DSTYK: variants seen among roughly 807,000 people sequenced by gnomAD.
DSTYK encodes the protein RIP-homologous kinase.
Under a neutral mutation model 98.7 loss-of-function variants are expected in DSTYK, and 34 were observed. The ratio of observed to expected loss-of-function variants is 0.34; its 90% confidence interval spans 0.26 to 0.46. DSTYK has a LOEUF of 0.46. DSTYK is among the 20% of genes least tolerant of loss of function. The probability of loss-of-function intolerance (pLI) is 1.00; values close to 1 mark genes in which losing one functional copy is unlikely to be tolerated. For missense variants in DSTYK, 962 were observed against 1,181.7 expected (o/e 0.81, Z 2.73); for synonymous variants, 462 against 457.3 (o/e 1.01, Z -0.13).
At chr1:205,155,902 A>T (rs1255914694) in intron 10 of DSTYK, among the ~76,000 whole-genome samples, 1 of 152,220 alleles carries the variant, frequency 6.6e-6, no homozygotes, top group Non-Finnish European at 1.5e-5. Flanking sequence ...TGCTGTATGC[A>T]GCCTTCGAAC....
At position 205,163,219 on chromosome 1, in the gene DSTYK, A is replaced by ATT. The variant is rs373494891; in HGVS notation, c.1558-215_1558-214dup. Among the ~76,000 whole-genome samples, 308 of 140,700 alleles carry ATT rather than the reference A, an allele frequency of 2.2e-3. 1 individual carries two copies. Among genetic ancestry groups the ATT allele is most frequent in the Non-Finnish European group, 4.0e-3 (254 of 64,252 alleles). The allele number at this position is 140,700 out of a possible 152,430, so 92.3% of individuals were successfully genotyped here. On this transcript the variant is annotated intron_variant, in intron 4 of 12. Coordinates refer to ENST00000367162, the MANE Select transcript of DSTYK (RefSeq NM_015375.3). Reference sequence around the variant, plus strand: ...TTTATATTCATCAACTTATTTTTTTATTTTTTTTTTTATTTTTTAGACAGA... The same window carrying ATT: ...TTTATATTCATCAACTTATTTTTTTATTTTTTTTTTTTTATTTTTTAGACAGA...
rs569281019 is a variant in DSTYK at position 205,142,661 on chromosome 1, G to C, written c.*4897C>G. The C allele has an allele frequency of 6.6e-6, 1 of 152,310 alleles. No individual in the cohort carries two copies. Among genetic ancestry groups the C allele is most frequent in the South Asian group, 2.1e-4 (1 of 4,826 alleles). 9.4% of individuals were successfully genotyped at this position (152,310 alleles called of 1,614,324 possible). On this transcript the variant is annotated 3_prime_UTR_variant, in exon 13 of 13. Transcript: ENST00000367162. ...TCTTCAAAATGCACACAATTAAGAC[G>C]GTCCTGCTGTAACAATATTATGGAA...
At chr1:205,203,081 A>G (rs1318319498) in intron 1 of DSTYK, among the ~76,000 whole-genome samples, 1 of 152,202 alleles carries the variant, frequency 6.6e-6, no homozygotes, top group African/African-American at 2.4e-5. Context: ...CTTCTGTAAA[A>G]ACTACTTGCA....
rs201612060 is a variant in DSTYK, at chr1:205,163,219, A to T, written c.1558-213T>A. Among the ~76,000 whole-genome samples the T allele has an allele frequency of 2.6e-4, 36 of 140,712 alleles. No homozygotes were observed. In the East Asian group the frequency reaches 9.7e-3, roughly 38 times the overall value. The allele number at this position is 140,712 out of a possible 152,430, so 92.3% of individuals were successfully genotyped here. ...TTTATATTCATCAACTTATTTTTTTATTTTTTTTTTTATTTTTTAGACAGA... is the reference window on the plus strand; with the variant it reads ...TTTATATTCATCAACTTATTTTTTTTTTTTTTTTTTTATTTTTTAGACAGA... On this transcript the variant is annotated intron_variant, in intron 4 of 12. Transcript: ENST00000367162.
intron 11 of DSTYK, among the ~76,000 whole-genome samples, chr1:205,149,638 C>G (rs1043163531): frequency 6.6e-6 from 1 of 152,188 alleles, no homozygotes; most frequent in African/African-American, 2.4e-5. Context: ...GACCAGCTAT[C>G]TAGTCTTACC....
Position 205,162,969 on chromosome 1 carries a change from T to C in DSTYK, c.1595A>G (p.His532Arg). The C allele has an allele frequency of 6.2e-7, 1 of 1,614,128 alleles. No homozygotes were observed. The highest frequency in any genetic ancestry group is 1.3e-5 in the African/African-American group (1 of 75,058). ...CATCCTTGTAACTGACGACCCTGAG[T>C]GAAACGTGACTTCAACATGATAGGC... is the stretch of plus-strand genomic sequence containing the variant. The part of the protein sequence containing the change: ...NAAYHVEVTF[H>R]SGSSVTRMLW... Residue 532 changes from histidine to arginine, a missense_variant, in exon 5 of 13, where the codon CAC (histidine) becomes CGC (arginine). Transcript: ENST00000367162.
Position 205,169,805 on chromosome 1 carries a change from G to C in DSTYK, c.682C>G (p.Gln228Glu). Residue 228 changes from glutamine to glutamate, a missense_variant, in exon 3 of 13, where the codon CAA (glutamine) becomes GAA (glutamate). Around this residue, in one of 4 missense-constraint regions of DSTYK, gnomAD observed 660 missense variants for 855.0 expected, o/e 0.77. Coordinates refer to ENST00000367162, the MANE Select transcript of DSTYK (RefSeq NM_015375.3). The surrounding 1 kb of genome is among the most constrained non-coding windows in gnomAD (Gnocchi z 4.0). ...ACATCCACTGTGGGCCGGAGGCCTT[G>C]GCATGGTGCTACCACAACGTCCACT... ...QEVDVVVAPC[Q>E]GLRPTVDVLG... is the part of the protein sequence containing the mutation. 6.2e-7 allele frequency: 1 copy of C among 1,613,582 alleles called. No homozygotes were observed. Among genetic ancestry groups the C allele is most frequent in the Non-Finnish European group, 8.5e-7 (1 of 1,179,766 alleles).
intron 10 of DSTYK, among the ~76,000 whole-genome samples, chr1:205,152,211 CTT>C (rs1214805960): frequency 6.6e-6 from 1 of 152,150 alleles, no homozygotes; most frequent in Non-Finnish European, 1.5e-5. Context: ...GAGTTTCGCT[CTT>C]GTTGCCTAGG....
intron 1 of DSTYK, among the ~76,000 whole-genome samples, chr1:205,200,054 T>C (rs1453072821): frequency 6.6e-6 from 1 of 152,202 alleles, no homozygotes; most frequent in East Asian, 1.9e-4. Flanking sequence ...TTTTTTTTAA[T>C]GAGACAGAGT....
chr1:205,157,449 C>T (rs1574752900), intron 9 of DSTYK, 63 bp from the exon 10 acceptor site: 3 of 1,344,982 alleles, frequency 2.2e-6, no homozygotes, highest in East Asian at 2.3e-5. Flanking sequence ...ACTGACTATA[C>T]TAGGGCACAT....
intron 1 of DSTYK, among the ~76,000 whole-genome samples, chr1:205,201,261 G>A (rs532194225): frequency 6.6e-6 from 1 of 152,142 alleles, no homozygotes; most frequent in African/African-American, 2.4e-5. Context: ...TAACTTAAAG[G>A]ATAAATGTTT....
Position 205,169,203 on chromosome 1 carries a change from C to T in DSTYK, c.1284G>A (p.Lys428=). The change falls in exon 3 of 13, where the codon AAG becomes AAA. Residue 428 remains lysine, a synonymous_variant. Transcript: ENST00000367162. This position sits in a 1 kb window ranked among gnomAD's most constrained non-coding sequence, Gnocchi z 4.0. ...DMIVETLNTM[K]EELLDDATNM... is the part of the protein sequence containing the mutation. Reference sequence around the variant, plus strand: ...TAGTAGCATCATCCAGAAGTTCCTCCTTCATGGTATTAAGTGTCTCAACAA... The same window carrying T: ...TAGTAGCATCATCCAGAAGTTCCTCTTTCATGGTATTAAGTGTCTCAACAA... 2 of 1,610,970 alleles carry T rather than the reference C, an allele frequency of 1.2e-6. No individual in the cohort carries two copies. Among genetic ancestry groups the T allele is most frequent in the South Asian group, 2.2e-5 (2 of 90,468 alleles).
intron 1 of DSTYK, among the ~76,000 whole-genome samples, chr1:205,200,229 G>C (rs895237892): frequency 6.6e-6 from 1 of 152,020 alleles, no homozygotes; most frequent in Non-Finnish European, 1.5e-5. Flanking sequence ...GTAGGGACAA[G>C]GTTTCACCAT....
chr1:205,202,675 G>A, intron 1 of DSTYK: 4 of 1,170,546 alleles, frequency 3.4e-6, no homozygotes, highest in Non-Finnish European at 3.8e-6. Flanking sequence ...ACCAGAAGAG[G>A]AGGGTGCCCA....
chr1:205,159,404 GT>G, intron 9 of DSTYK, 142 bp downstream of exon 9: 10 of 1,144,292 alleles, frequency 8.7e-6, no homozygotes, highest in East Asian at 2.7e-5. Context: ...ATCTTTAAGG[GT>G]TTTTGGAAAT....
In DSTYK at chr1:205,166,305, C is replaced by T. The variant is rs1657888130; in HGVS notation, c.1325-2350G>A. Among the ~76,000 whole-genome samples the T allele has an allele frequency of 2.6e-5, 4 of 152,044 alleles. No homozygotes were observed. The South Asian group carries it at 8.3e-4, about 32-fold the overall frequency. On this transcript the variant is annotated intron_variant, in intron 3 of 12. Coordinates refer to ENST00000367162, the MANE Select transcript of DSTYK (RefSeq NM_015375.3). ...AATAAATTTTATAAAGTGTGAATAT[C>T]ATGATACCTAGCACATATGCATTGT...
chr1:205,179,104 G>A (rs1658318121), intron 2 of DSTYK, among the ~76,000 whole-genome samples: 1 of 151,290 alleles, frequency 6.6e-6, no homozygotes, highest in Non-Finnish European at 1.5e-5. Context: ...ACTCCAGCCT[G>A]AGCGACAAAG....
At position 205,160,243 on chromosome 1, in the gene DSTYK, C is replaced by A; in HGVS notation, c.1976G>T (p.Gly659Val). 1 of 1,614,106 alleles carries A rather than the reference C, an allele frequency of 6.2e-7. No homozygotes were observed. The highest frequency in any genetic ancestry group is 8.5e-7 in the Non-Finnish European group (1 of 1,180,016). ...GTATACCACACCATACTGGCCCCGG[C>A]CCAGTTCCTGTCCCAGTTTAGGTTT... ...HRKPKLGQEL[G>V]RGQYGVVYLC... is the part of the protein sequence containing the mutation. Residue 659 changes from glycine to valine, a missense_variant, in exon 8 of 13, where the codon GGC becomes GTC. Gly to Val is a moderately radical substitution (Grantham distance 109). Coordinates refer to ENST00000367162, the MANE Select transcript of DSTYK (RefSeq NM_015375.3).
intron 1 of DSTYK, among the ~76,000 whole-genome samples, chr1:205,198,542 T>C (rs1327888032): frequency 6.6e-6 from 1 of 152,210 alleles, no homozygotes; most frequent in Non-Finnish European, 1.5e-5. Context: ...GCCATAATAT[T>C]AAACGCTAAG....
Sources: gnomAD v4.1 joint callset for allele counts (sites outside exome capture counted in the v4.1 genomes callset) on GRCh38, gnomAD v4.1.1 for gene constraint, gnomAD v4.1.1 regional missense constraint, Gnocchi (gnomAD v3.1) non-coding constraint, MANE v1.5 for transcripts, NCBI Gene and HGNC (gene_info 2026-07-23, HGNC 2026-07-21) for gene names.